Variants in UBASH3B observed in about 807,000 individuals in gnomAD.
UBASH3B encodes ubiquitin associated and SH3 domain containing B, also known as ubiquitin-associated and SH3 domain-containing protein B.
In UBASH3B, 37 loss-of-function variants were observed where a neutral mutation model predicts 83.4. The ratio of observed to expected loss-of-function variants is 0.44; its 90% confidence interval spans 0.34 to 0.58. The LOEUF is 0.58. Ranked by LOEUF, UBASH3B falls within the 20% of genes least tolerant of loss-of-function variation. The pLI, the probability that UBASH3B is intolerant of heterozygous loss-of-function variation, is 0.01. For synonymous variants in UBASH3B, 304 were observed against 318.3 expected, an observed-to-expected ratio of 0.96 and a Z score of 0.48; for missense variants, 657 against 827.2, an observed-to-expected ratio of 0.79 and a Z score of 2.52.
intron 3 of UBASH3B, among the ~76,000 whole-genome samples, chr11:122,777,940 G>T (rs1328503500): frequency 6.6e-6 from 1 of 151,920 alleles, no homozygotes; most frequent in Non-Finnish European, 1.5e-5. Flanking sequence ...ATGTTGGCCA[G>T]GCTGGTCTTG....
chr11:122,686,397 G>A (rs1253424392), intron 1 of UBASH3B, among the ~76,000 whole-genome samples: 1 of 152,234 alleles, frequency 6.6e-6, no homozygotes, highest in Non-Finnish European at 1.5e-5. Context: ...GGAAGCACAA[G>A]GCTTGACTCC....
intron 1 of UBASH3B, among the ~76,000 whole-genome samples, chr11:122,670,148 A>AGTGT (rs374128078): frequency 1.3e-5 from 2 of 151,714 alleles, no homozygotes; most frequent in Middle Eastern, 3.4e-3. Flanking sequence ...TTTCTGGAAT[A>AGTGT]GTGTGTGTGT....
intron 1 of UBASH3B, among the ~76,000 whole-genome samples, chr11:122,746,703 G>C (rs367905488): frequency 3.7e-4 from 57 of 152,296 alleles, no homozygotes; most frequent in Middle Eastern, 3.4e-3. Flanking sequence ...ATCTGTGGTG[G>C]GGAAGTCGGG....
At chr11:122,711,248 G>T (rs1864186951) in intron 1 of UBASH3B, among the ~76,000 whole-genome samples, 1 of 152,230 alleles carries the variant, frequency 6.6e-6, no homozygotes, top group South Asian at 2.1e-4. Context: ...AGACATTTTT[G>T]GGGGTCCCCC....
chr11:122,672,401 C>A (rs1863608719), intron 1 of UBASH3B, among the ~76,000 whole-genome samples: 1 of 151,908 alleles, frequency 6.6e-6, no homozygotes, highest in African/African-American at 2.4e-5. Context: ...CTCACTGCAA[C>A]CTTTGCCTCC....
At position 122,777,728 on chromosome 11, in the gene UBASH3B, T is replaced by G. The variant is rs555823105; in HGVS notation, c.402+518T>G. Among the ~76,000 whole-genome samples, 12 of 152,184 alleles carry G rather than the reference T, an allele frequency of 7.9e-5. No individual in the cohort carries two copies. The East Asian group carries it at 1.7e-3, about 22-fold the overall frequency. Reference sequence around the variant, plus strand: ...CAGAAAGCTTATCTACTGACCAATTTTTGTTGTTGTTGTTGTTTTGAGACA... The same window carrying G: ...CAGAAAGCTTATCTACTGACCAATTGTTGTTGTTGTTGTTGTTTTGAGACA... On this transcript the variant is annotated intron_variant, in intron 3 of 13. Transcript: ENST00000284273.
intron 11 of UBASH3B, among the ~76,000 whole-genome samples, chr11:122,803,672 G>T (rs57074747): frequency 0.16 from 23,928 of 152,104 alleles, 2,819 homozygotes; most frequent in African/African-American, 0.33. Flanking sequence ...GGGACTGGGG[G>T]AGGGTATGGA....
chr11:122,732,536 C>A (rs557091877), intron 1 of UBASH3B, among the ~76,000 whole-genome samples: 2 of 152,338 alleles, frequency 1.3e-5, no homozygotes, highest in East Asian at 3.9e-4. Context: ...CTGGGCTGGA[C>A]TTCATCTTGC....
At chr11:122,795,095 A>G (rs1049259841) in intron 7 of UBASH3B, among the ~76,000 whole-genome samples, 1 of 152,218 alleles carries the variant, frequency 6.6e-6, no homozygotes, top group Non-Finnish European at 1.5e-5. Context: ...GTTTATCTCT[A>G]AAGTAGGAAT....
intron 1 of UBASH3B, among the ~76,000 whole-genome samples, chr11:122,769,812 C>T (rs1860611509): frequency 6.6e-6 from 1 of 152,180 alleles, no homozygotes; most frequent in Admixed American, 6.5e-5. Context: ...TTTACCCATC[C>T]CCCAGTTCAT....
chr11:122,796,070 T>C (rs749269259), intron 7 of UBASH3B, 86 bp from the exon 8 acceptor site: 1 of 1,561,292 alleles, frequency 6.4e-7, no homozygotes, highest in Non-Finnish European at 8.7e-7. Flanking sequence ...ACTTTGGTAG[T>C]AGAGCTCAGC....
intron 1 of UBASH3B, among the ~76,000 whole-genome samples, chr11:122,661,287 G>T (rs1863434666): frequency 6.6e-6 from 1 of 152,244 alleles, no homozygotes; most frequent in African/African-American, 2.4e-5. Context: ...TGTTAGCTAT[G>T]CCTCACTGCC....
intron 1 of UBASH3B, among the ~76,000 whole-genome samples, chr11:122,742,984 G>A (rs1205633303): frequency 6.6e-6 from 1 of 152,196 alleles, no homozygotes; most frequent in Non-Finnish European, 1.5e-5. Context: ...GATAGAGTGA[G>A]TGCCTCCATG....
At chr11:122,708,109 G>A (rs1864148061) in intron 1 of UBASH3B, among the ~76,000 whole-genome samples, 1 of 152,072 alleles carries the variant, frequency 6.6e-6, no homozygotes, top group Non-Finnish European at 1.5e-5. Context: ...TGAAAACTGG[G>A]CTTTAGTTCC....
At chr11:122,704,849 C>T (rs1864094424) in intron 1 of UBASH3B, among the ~76,000 whole-genome samples, 1 of 151,894 alleles carries the variant, frequency 6.6e-6, no homozygotes, top group African/African-American at 2.4e-5. Flanking sequence ...TATGAGGTTT[C>T]TTTAAGGGCC....
chr11:122,691,687 TG>T (rs1326881506), intron 1 of UBASH3B, among the ~76,000 whole-genome samples: 1 of 152,158 alleles, frequency 6.6e-6, no homozygotes, highest in Non-Finnish European at 1.5e-5. Flanking sequence ...TCCCAAAATG[TG>T]GGTATTTTAC....
intron 5 of UBASH3B, 91 bp from the exon 6 acceptor site, chr11:122,789,009 C>A: frequency 1.7e-6 from 2 of 1,193,198 alleles, no homozygotes; most frequent in Non-Finnish European, 2.4e-6. Context: ...TGGAGGTGTG[C>A]AGTATTAATG....
At chr11:122,734,382 G>A (rs1467765903) in intron 1 of UBASH3B, among the ~76,000 whole-genome samples, 1 of 152,172 alleles carries the variant, frequency 6.6e-6, no homozygotes, top group Admixed American at 6.5e-5. Flanking sequence ...GATTCCCAAG[G>A]AGAAAGGAAG....
chr11:122,757,417 C>T (rs1292555599), intron 1 of UBASH3B, among the ~76,000 whole-genome samples: 2 of 152,206 alleles, frequency 1.3e-5, no homozygotes, highest in African/African-American at 4.8e-5. Context: ...GTCCGATAGC[C>T]TCCAGAACAG....
Sources: allele counts gnomAD v4.1 joint callset (sites outside exome capture counted in the v4.1 genomes callset), GRCh38; gene constraint gnomAD v4.1.1; transcripts MANE v1.5; gene names NCBI Gene and HGNC (gene_info 2026-07-23, HGNC 2026-07-21).